Variants in OVCH2 observed in about 807,000 individuals in gnomAD.
OVCH2 encodes the protein ovochymase 2, also known as ovochymase-2.
A neutral mutation model predicts 73.7 loss-of-function variants in OVCH2; 88 were observed. The ratio of observed to expected loss-of-function variants is 1.19; its 90% CI spans 1.01 to 1.43. The LOEUF is 1.43. Among genes scored for constraint, OVCH2 ranks in the 40% most tolerant of loss-of-function variants. The pLI, the probability that OVCH2 is intolerant of heterozygous loss-of-function variation, is 0.00. For synonymous variants in OVCH2, 265 were observed against 234.5 expected (o/e 1.13, Z -1.19); for missense variants, 706 against 674.5 (o/e 1.05, Z -0.52).
intron 12 of OVCH2, among the ~76,000 whole-genome samples, chr11:7,692,464 C>T (rs1013997589): frequency 2.6e-5 from 4 of 152,302 alleles, no homozygotes; most frequent in African/African-American, 4.8e-5. Flanking sequence ...TTCTACCCAG[C>T]GGGATATAGC....
downstream of OVCH2, among the ~76,000 whole-genome samples, chr11:7,686,885 A>G (rs1479248727): frequency 1.3e-5 from 2 of 152,094 alleles, no homozygotes; most frequent in African/African-American, 4.8e-5. Context: ...ACAAAGTGAC[A>G]CTCCCAGCCC....
At position 7,701,803 on chromosome 11, in the gene OVCH2, C is replaced by A. The variant is rs768546353; in HGVS notation, c.472G>T (p.Val158Leu). 1.2e-5 allele frequency: 19 copies of A among 1,610,348 alleles called. No individual in the cohort carries two copies. The highest frequency in any genetic ancestry group is 1.6e-4 in the Middle Eastern group (1 of 6,078). ...AGCTCTGGAAGACATATGGGCCCCA[C>A]AAAGTGGCCTGAAGAAAAGAGCAAG... ...MAGAFQFGHFVGPICLPELRE... is the reference protein window; with the variant it reads ...MAGAFQFGHFLGPICLPELRE... Residue 158 changes from valine to leucine, a missense_variant, in exon 5 of 16, where the codon GTG becomes TTG. By Grantham distance (32) the Val-to-Leu change is conservative. Transcript: ENST00000533663.
At chr11:7,695,533 G>A in intron 11 of OVCH2, 37 bp downstream of exon 11, 4 of 1,572,212 alleles carry the variant, frequency 2.5e-6, no homozygotes, top group East Asian at 2.2e-5. Flanking sequence ...TCTACAGAAG[G>A]TGGAGATAGT....
chr11:7,702,882 G>T (rs1565171275), intron 3 of OVCH2, among the ~76,000 whole-genome samples: 1 of 152,202 alleles, frequency 6.6e-6, no homozygotes, highest in Non-Finnish European at 1.5e-5. Context: ...TCCCAGAAGT[G>T]ATGCTTCTAT....
In OVCH2 at chr11:7,691,596, A is replaced by T. The variant is rs1230452620; in HGVS notation, c.1508-196T>A. 6.6e-5 allele frequency among the ~76,000 whole-genome samples: 10 copies of T among 152,032 alleles called. No homozygotes were observed. The East Asian group carries it at 1.3e-3, about 21-fold the overall frequency. The stretch of plus-strand genomic sequence containing the variant: ...TTCAATTTGGTTTTCTCTCCTGAAC[A>T]CTCCCACACACAATGATGTTAAGGG... On this transcript the variant is annotated intron_variant, in intron 13 of 15. Coordinates refer to ENST00000533663, the MANE Select transcript of OVCH2 (RefSeq NM_198185.7).
intron 15 of OVCH2, 74 bp downstream of exon 15, chr11:7,689,850 C>T: frequency 1.1e-6 from 1 of 902,848 alleles, no homozygotes; most frequent in Non-Finnish European, 1.8e-6. Context: ...GGAATTAAAT[C>T]CATATCACCT....
rs898615230 is a variant in OVCH2, at chr11:7,706,432, A to T, written c.-38T>A. 1 of 1,531,934 alleles carries T rather than the reference A, an allele frequency of 6.5e-7. No individual in the cohort carries two copies. Among genetic ancestry groups the T allele is most frequent in the Admixed American group, 2.2e-5 (1 of 45,146 alleles). 94.9% of individuals were successfully genotyped at this position (1,531,934 alleles called of 1,614,324 possible). On this transcript the variant is annotated 5_prime_UTR_variant, in exon 1 of 16. Coordinates refer to ENST00000533663, the MANE Select transcript of OVCH2 (RefSeq NM_198185.7). Reference sequence around the variant, plus strand: ...AGTTTTTCCCTGAAATTTTAGAGAGACTAAAGCAAACAAAAATAGGAAGCC... The same window carrying T: ...AGTTTTTCCCTGAAATTTTAGAGAGTCTAAAGCAAACAAAAATAGGAAGCC...
chr11:7,698,894 T>A, intron 7 of OVCH2, 121 bp from the exon 8 acceptor site: 1 of 1,014,094 alleles, frequency 9.9e-7, no homozygotes, highest in Non-Finnish European at 1.5e-6. Flanking sequence ...AATAAAAATC[T>A]TATCTGTGGA....
downstream of OVCH2, among the ~76,000 whole-genome samples, chr11:7,685,963 A>G (rs1856138075): frequency 6.6e-6 from 1 of 152,192 alleles, no homozygotes; most frequent in Non-Finnish European, 1.5e-5. Flanking sequence ...CCAGGTTGTC[A>G]TTGAAAAAAA....
At position 7,704,687 on chromosome 11, in the gene OVCH2, C is replaced by T. The variant is rs114755876; in HGVS notation, c.89-13G>A. On this transcript the variant is annotated splice_polypyrimidine_tract_variant and intron_variant, in intron 1 of 15. Coordinates refer to ENST00000533663, the MANE Select transcript of OVCH2 (RefSeq NM_198185.7). ...CCACAACTGGGAGCTGAGAAAAAAA[C>T]GAGACAAACTAAATGATTAGATAGC... 934 of 1,549,722 alleles carry T rather than the reference C, an allele frequency of 6.0e-4. 4 individuals are homozygous for T. The African/African-American group carries it at 8.3e-3, about 14-fold the overall frequency.
In OVCH2 at chr11:7,706,456, C is replaced by G. The variant is rs775509597; in HGVS notation, c.-62G>C. 4 of 1,510,174 alleles carry G rather than the reference C, an allele frequency of 2.6e-6. No homozygotes were observed. Among genetic ancestry groups the G allele is most frequent in the African/African-American group, 1.4e-5 (1 of 70,812 alleles). The allele number at this position is 1,510,174 out of a possible 1,614,324, so 93.5% of individuals were successfully genotyped here. ...GACTAAAGCAAACAAAAATAGGAAG[C>G]CTTGAGAGACCAGCAATAAGCCAAT... is the stretch of plus-strand genomic sequence containing the variant. On this transcript the variant is annotated 5_prime_UTR_variant, in exon 1 of 16. Coordinates refer to ENST00000533663, the MANE Select transcript of OVCH2 (RefSeq NM_198185.7).
At chr11:7,698,600 T>C in intron 8 of OVCH2, 150 bp downstream of exon 8, 1 of 685,042 alleles carries the variant, frequency 1.5e-6, no homozygotes, top group South Asian at 2.0e-5. Context: ...GGGCTTCTGC[T>C]GGGCATAATG....
In OVCH2 at chr11:7,689,498, C is replaced by T. The variant is rs4505055; in HGVS notation, c.*136G>A. 3 of 361,332 alleles carry T rather than the reference C, an allele frequency of 8.3e-6. No individual in the cohort carries two copies. The highest frequency in any genetic ancestry group is 7.4e-5 in the East Asian group (1 of 13,516). The allele number at this position is 361,332 out of a possible 1,614,324, so 22.4% of individuals were successfully genotyped here. ...CTGGAGGCTAGAAGTCCAAGATCAACGTGTCAGCAGGGATGGCTCTGTCTG... is the reference window on the plus strand; with the variant it reads ...CTGGAGGCTAGAAGTCCAAGATCAATGTGTCAGCAGGGATGGCTCTGTCTG... On this transcript the variant is annotated 3_prime_UTR_variant, in exon 16 of 16. Transcript: ENST00000533663.
intron 15 of OVCH2, 35 bp downstream of exon 15, chr11:7,689,889 T>A: frequency 8.1e-7 from 1 of 1,233,978 alleles, no homozygotes; most frequent in Non-Finnish European, 1.1e-6. Context: ...TGGATTATAC[T>A]CTGTGTGTAT....
At chr11:7,693,289 AG>A (rs1337623451) in intron 12 of OVCH2, among the ~76,000 whole-genome samples, 2 of 152,204 alleles carry the variant, frequency 1.3e-5, no homozygotes, top group African/African-American at 4.8e-5. Flanking sequence ...AGGCGTGGGG[AG>A]GGGGACCTGT....
At chr11:7,706,062 T>G (rs1345212005) in intron 1 of OVCH2, among the ~76,000 whole-genome samples, 2 of 152,168 alleles carry the variant, frequency 1.3e-5, no homozygotes, top group Admixed American at 6.6e-5. Flanking sequence ...TTAGGAAAAC[T>G]AAGCGAAGAA....
At chr11:7,697,018 TC>T in intron 8 of OVCH2, 1 of 500,222 alleles carries the variant, frequency 2.0e-6, no homozygotes. Flanking sequence ...TTTCCTTAAC[TC>T]TTCTCTCTCT....
chr11:7,689,676 T>C, intron 15 of OVCH2, 74 bp from the exon 16 acceptor site: 1 of 579,520 alleles, frequency 1.7e-6, no homozygotes, highest in Middle Eastern at 2.7e-4. Flanking sequence ...TATGTCTCTC[T>C]GCTTCCAATT....
the OVCH2 span, among the ~76,000 whole-genome samples, chr11:7,680,283 C>T: frequency 6.6e-6 from 1 of 152,176 alleles, no homozygotes; most frequent in African/African-American, 2.4e-5. Context: ...AATTAGAGGA[C>T]AGTCAGCCAG....
Sources: allele counts gnomAD v4.1 joint callset (sites outside exome capture counted in the v4.1 genomes callset), GRCh38; gene constraint gnomAD v4.1.1; transcripts MANE v1.5; gene names NCBI Gene and HGNC (gene_info 2026-07-23, HGNC 2026-07-21).